ZNF423: variants seen among roughly 807,000 people sequenced by gnomAD.
The protein encoded by ZNF423 is Ebf-associated zinc finger protein.
ZNF423 carries 12 observed loss-of-function variants against 95.8 expected under a neutral mutation model. The ratio of observed to expected loss-of-function variants is 0.13; its 90% CI spans 0.08 to 0.20. ZNF423 has a LOEUF of 0.20. ZNF423 is among the 10% of genes least tolerant of loss of function. ZNF423 has a pLI of 1.00. For synonymous variants in ZNF423, 749 were observed against 711.9 expected (o/e 1.05, Z -0.83); for missense variants, 1,316 against 1,737.1 (o/e 0.76, Z 4.31).
chr16:49,697,942 T>C (rs11640838), intron 3 of ZNF423, among the ~76,000 whole-genome samples: 138,331 of 152,244 alleles, frequency 0.91, 63,190 homozygotes, highest in Middle Eastern at 0.98. Flanking sequence ...GGCGGGCACA[T>C]CTGTCTGTGG....
At chr16:49,586,232 G>A (rs1041200570) in intron 5 of ZNF423, among the ~76,000 whole-genome samples, 4 of 151,918 alleles carry the variant, frequency 2.6e-5, no homozygotes, top group Admixed American at 1.3e-4. Flanking sequence ...GTAGCGTGGC[G>A]TGATACAAAC....
intron 2 of ZNF423, among the ~76,000 whole-genome samples, chr16:49,760,307 G>A (rs1016421140): frequency 1.5e-5 from 2 of 133,052 alleles, no homozygotes; most frequent in African/African-American, 5.7e-5. Flanking sequence ...GGATGGATGG[G>A]TGGATGGGTG....
chr16:49,713,890 C>T lies in ZNF423; in HGVS notation c.301+16881G>A, dbSNP rs1442010590. Among the ~76,000 whole-genome samples the T allele has an allele frequency of 1.1e-4, 16 of 152,302 alleles. No individual in the cohort carries two copies. The East Asian group carries it at 1.4e-3, about 13-fold the overall frequency. Reference sequence around the variant, plus strand: ...GGAATCTTCCAGTAACTCACTCCCCCGCTGCCAGGGCCCCCATCCCTCCCC... The same window carrying T: ...GGAATCTTCCAGTAACTCACTCCCCTGCTGCCAGGGCCCCCATCCCTCCCC... On this transcript the variant is annotated intron_variant, in intron 3 of 7. Coordinates refer to ENST00000563137, the MANE Select transcript of ZNF423 (RefSeq NM_001379286.1).
intron 2 of ZNF423, among the ~76,000 whole-genome samples, chr16:49,758,923 A>G (rs2033776249): frequency 6.6e-6 from 1 of 152,224 alleles, no homozygotes; most frequent in African/African-American, 2.4e-5. Flanking sequence ...AGAAACAGGG[A>G]TGGGGAACAA....
chr16:49,577,169 G>A (rs886235554), intron 5 of ZNF423, among the ~76,000 whole-genome samples: 10 of 152,160 alleles, frequency 6.6e-5, no homozygotes, highest in African/African-American at 2.2e-4. Flanking sequence ...CTGCAGGAGC[G>A]GTGCTGTGAG....
chr16:49,765,916 G>T (rs2033921011), intron 2 of ZNF423, among the ~76,000 whole-genome samples: 2 of 152,158 alleles, frequency 1.3e-5, no homozygotes, highest in African/African-American at 4.8e-5. Context: ...GGCTGTCAGG[G>T]CCTAGGCGAC....
In ZNF423 at chr16:49,632,653, G is replaced by A. The variant is rs962760729; in HGVS notation, c.3516+3007C>T. On this transcript the variant is annotated intron_variant, in intron 4 of 7. Transcript: ENST00000563137. Reference sequence around the variant, plus strand: ...CACAGCTGTGCATCCTTGGGTATATGGCATCACCTTTCTGAGCTGGAGCCC... The same window carrying A: ...CACAGCTGTGCATCCTTGGGTATATAGCATCACCTTTCTGAGCTGGAGCCC... Among the ~76,000 whole-genome samples the A allele has an allele frequency of 1.3e-5, 2 of 152,084 alleles. 1 individual carries two copies. Among genetic ancestry groups the A allele is most frequent in the South Asian group, 4.1e-4 (2 of 4,822 alleles).
intron 2 of ZNF423, among the ~76,000 whole-genome samples, chr16:49,736,536 C>T (rs1328387123): frequency 6.6e-6 from 1 of 152,242 alleles, no homozygotes; most frequent in Non-Finnish European, 1.5e-5. Context: ...GTCACAATGG[C>T]TTACGCCTGT....
intron 2 of ZNF423, among the ~76,000 whole-genome samples, chr16:49,737,583 C>T (rs867802573): frequency 3.3e-5 from 5 of 152,328 alleles, no homozygotes; most frequent in East Asian, 1.9e-4. Flanking sequence ...AACCACTATA[C>T]GGAAAGGCAG....
chr16:49,526,290 A>G (rs537071467), intron 5 of ZNF423, among the ~76,000 whole-genome samples: 2 of 152,316 alleles, frequency 1.3e-5, no homozygotes, highest in African/African-American at 2.4e-5. Context: ...TTTCTTTTAA[A>G]CAAATGGTCT....
At chr16:49,523,594 C>T (rs752166285) in intron 7 of ZNF423, 30 bp downstream of exon 7, 158 of 1,582,536 alleles carry the variant, frequency 1.0e-4, no homozygotes, top group Non-Finnish European at 1.3e-4. Flanking sequence ...GACCATCAGG[C>T]GGCGTGGTGC....
intron 3 of ZNF423, among the ~76,000 whole-genome samples, chr16:49,713,970 C>A (rs2032625211): frequency 6.6e-6 from 1 of 152,122 alleles, no homozygotes; most frequent in Admixed American, 6.5e-5. Context: ...GCAACTCCAT[C>A]ACGCCTCCCA....
At chr16:49,586,651 G>A (rs1219313527) in intron 5 of ZNF423, among the ~76,000 whole-genome samples, 2 of 152,250 alleles carry the variant, frequency 1.3e-5, no homozygotes, top group Non-Finnish European at 2.9e-5. Context: ...AATGTGGCGT[G>A]TGGATCACAG....
At chr16:49,532,546 C>A (rs1968889960) in intron 5 of ZNF423, among the ~76,000 whole-genome samples, 1 of 152,220 alleles carries the variant, frequency 6.6e-6, no homozygotes, top group African/African-American at 2.4e-5. Context: ...CTGAACCGGG[C>A]CCCACGGGGG....
intron 3 of ZNF423, among the ~76,000 whole-genome samples, chr16:49,682,123 C>T (rs998541138): frequency 2.0e-5 from 3 of 152,084 alleles, no homozygotes; most frequent in African/African-American, 7.2e-5. Context: ...TCTCACCCTA[C>T]CCATGTCTTT....
At chr16:49,857,589 C>A (rs1206868482), upstream of ZNF423, among the ~76,000 whole-genome samples, 1 of 152,130 alleles carries the variant, frequency 6.6e-6, no homozygotes, top group South Asian at 2.1e-4. The surrounding 1 kb of genome is among the most constrained non-coding windows in gnomAD (Gnocchi z 6.2). Flanking sequence ...TGGCTTTTGC[C>A]CACCGGTCGG....
intron 1 of ZNF423, among the ~76,000 whole-genome samples, chr16:49,834,982 C>T (rs568681488): frequency 1.3e-5 from 2 of 151,566 alleles, no homozygotes; most frequent in Non-Finnish European, 2.9e-5. Flanking sequence ...GTGTGCAGTG[C>T]GCCTTGGGGG....
Position 49,491,804 on chromosome 16 carries a change from GA to G in ZNF423, c.3850-501del, listed in dbSNP as rs531936488. Among the ~76,000 whole-genome samples the G allele has an allele frequency of 2.9e-3, 442 of 152,314 alleles. 3 individuals are homozygous for G. The highest frequency in any genetic ancestry group is 4.9e-3 in the Non-Finnish European group (330 of 68,020). The stretch of plus-strand genomic sequence containing the variant: ...ATGTGCTGTGCAGCTCTCCGGCCAA[GA>G]AACACCCGAGCGGGCACAGGCGTGC... On this transcript the variant is annotated intron_variant, in intron 7 of 7. Transcript: ENST00000563137.
chr16:49,808,493 G>A (rs762139303), intron 1 of ZNF423, among the ~76,000 whole-genome samples: 48 of 152,156 alleles, frequency 3.2e-4, no homozygotes, highest in Non-Finnish European at 5.7e-4. Context: ...ACAAGCCTCC[G>A]GTGCAATGTC....
Sources: gnomAD v4.1 joint callset for allele counts (sites outside exome capture counted in the v4.1 genomes callset) on GRCh38, gnomAD v4.1.1 for gene constraint, Gnocchi (gnomAD v3.1) non-coding constraint, MANE v1.5 for transcripts, NCBI Gene and HGNC (gene_info 2026-07-23, HGNC 2026-07-21) for gene names.